RANBP2: variants seen among roughly 807,000 people sequenced by gnomAD.
The protein encoded by RANBP2 is E3 SUMO-protein ligase RanBP2.
A neutral mutation model predicts 303.6 loss-of-function variants in RANBP2; 57 were observed. The ratio of observed to expected loss-of-function variants is 0.19; its 90% CI spans 0.15 to 0.23. The LOEUF is 0.23. RANBP2 is among the 10% of genes least tolerant of loss of function. The pLI is 1.00. For missense variants in RANBP2, 3,138 were observed against 3,780.8 expected (o/e 0.83, Z 4.46); for synonymous variants, 1,167 against 1,301.5 (o/e 0.90, Z 2.23).
the RANBP2 span, among the ~76,000 whole-genome samples, chr2:109,717,352 C>T: frequency 1.3e-4 from 20 of 150,266 alleles, no homozygotes; most frequent in East Asian, 2.9e-3. Context: ...GAGGCCGAGG[C>T]GGGTGGATCA....
At chr2:109,372,466 G>A in the RANBP2 span, among the ~76,000 whole-genome samples, 1 of 152,208 alleles carries the variant, frequency 6.6e-6, no homozygotes. Flanking sequence ...CATAAGAGTG[G>A]CTTCAGTGAA....
the RANBP2 span, chr2:108,906,171 G>A: frequency 4.4e-5 from 36 of 826,006 alleles, no homozygotes; most frequent in Admixed American, 4.1e-4. Context: ...AGTTTCCAGC[G>A]GCCATTCTGA....
chr2:109,630,639 T>C, the RANBP2 span, among the ~76,000 whole-genome samples: 1 of 152,272 alleles, frequency 6.6e-6, no homozygotes, highest in East Asian at 1.9e-4. Context: ...TGCACTTTGC[T>C]CTCCCCAGTC....
At chr2:108,829,999 A>T in the RANBP2 span, among the ~76,000 whole-genome samples, 1 of 149,704 alleles carries the variant, frequency 6.7e-6, no homozygotes, top group Non-Finnish European at 1.5e-5. Context: ...ATATATAATA[A>T]AAAGAAGGTG....
the RANBP2 span, among the ~76,000 whole-genome samples, chr2:109,263,477 A>T: frequency 1.3e-5 from 2 of 152,156 alleles, no homozygotes; most frequent in Non-Finnish European, 2.9e-5. Context: ...GAATATGGAG[A>T]CTTTAAAATG....
the RANBP2 span, among the ~76,000 whole-genome samples, chr2:109,735,333 G>A: frequency 6.6e-6 from 1 of 152,156 alleles, no homozygotes; most frequent in Non-Finnish European, 1.5e-5. Flanking sequence ...TTGTAAATGA[G>A]AGAATTTTAT....
chr2:109,566,113 A>T, the RANBP2 span, among the ~76,000 whole-genome samples: 3 of 151,796 alleles, frequency 2.0e-5, no homozygotes, highest in Admixed American at 6.6e-5. Flanking sequence ...AACAAAAAAA[A>T]TTTATTTATT....
At chr2:109,146,896 C>G in the RANBP2 span, among the ~76,000 whole-genome samples, 5 of 102,432 alleles carry the variant, frequency 4.9e-5, no homozygotes, top group Non-Finnish European at 9.7e-5. Flanking sequence ...CCCCCCCCCC[C>G]CCCCCGCCCC....
the RANBP2 span, among the ~76,000 whole-genome samples, chr2:109,289,753 A>G: frequency 1.3e-5 from 2 of 152,292 alleles, no homozygotes; most frequent in Admixed American, 1.3e-4. Context: ...TGTTGTCATG[A>G]AAATACACTT....
chr2:108,855,888 G>A, the RANBP2 span, among the ~76,000 whole-genome samples: 1 of 152,152 alleles, frequency 6.6e-6, no homozygotes, highest in Non-Finnish European at 1.5e-5. Context: ...GTGCTCTTGA[G>A]TCTTCTCCTT....
the RANBP2 span, chr2:109,141,526 G>A: frequency 6.5e-6 from 1 of 154,938 alleles, no homozygotes; most frequent in Non-Finnish European, 1.5e-5. Context: ...CAGCTGCAGA[G>A]ATCACCAGTC....
At chr2:109,559,184 C>T in the RANBP2 span, among the ~76,000 whole-genome samples, 1 of 152,166 alleles carries the variant, frequency 6.6e-6, no homozygotes, top group African/African-American at 2.4e-5. Flanking sequence ...CCACGCCTGG[C>T]CAGATATAAC....
At chr2:108,805,583 T>C in the RANBP2 span, among the ~76,000 whole-genome samples, 1 of 150,456 alleles carries the variant, frequency 6.6e-6, no homozygotes. Context: ...AAAAAATAGC[T>C]GGGCGTGATG....
At chr2:109,136,059 G>C in the RANBP2 span, among the ~76,000 whole-genome samples, 1 of 152,170 alleles carries the variant, frequency 6.6e-6, no homozygotes, top group Non-Finnish European at 1.5e-5. Flanking sequence ...GAGCTGAGCA[G>C]AATTCTATCC....
the RANBP2 span, among the ~76,000 whole-genome samples, chr2:109,225,660 G>A: frequency 7.9e-5 from 12 of 152,262 alleles, no homozygotes; most frequent in Admixed American, 1.3e-4. Flanking sequence ...AAAGATGACC[G>A]TCTTGTTTCC....
the RANBP2 span, among the ~76,000 whole-genome samples, chr2:109,212,453 A>G: frequency 6.6e-6 from 1 of 152,228 alleles, no homozygotes; most frequent in Non-Finnish European, 1.5e-5. Context: ...AAGTCTCAAA[A>G]TGAATTTGTT....
chr2:108,797,703 A>G, the RANBP2 span, among the ~76,000 whole-genome samples: 2 of 152,172 alleles, frequency 1.3e-5, no homozygotes, highest in Non-Finnish European at 2.9e-5. Flanking sequence ...GTATTTTATG[A>G]GAAAGAGATT....
the RANBP2 span, chr2:109,553,272 T>C: frequency 5.1e-4 from 810 of 1,597,704 alleles, 10 homozygotes; most frequent in South Asian, 8.3e-3. Flanking sequence ...AGGTCGGGTA[T>C]GGCGGCTCAC....
At chr2:109,487,913 G>A in the RANBP2 span, among the ~76,000 whole-genome samples, 48 of 127,274 alleles carry the variant, frequency 3.8e-4, no homozygotes, top group African/African-American at 1.6e-3. Flanking sequence ...AAACAAACAC[G>A]ACCCCTGTAC....
Sources: allele counts gnomAD v4.1 joint callset (sites outside exome capture counted in the v4.1 genomes callset), GRCh38; gene constraint gnomAD v4.1.1; transcripts MANE v1.5; gene names NCBI Gene and HGNC (gene_info 2026-07-23, HGNC 2026-07-21).